Variants in SLC16A4 observed in about 807,000 individuals in gnomAD.
SLC16A4 encodes solute carrier family 16 member 4.
SLC16A4 carries 39 observed loss-of-function variants against 47.9 expected under a neutral mutation model. That is an observed-to-expected ratio of 0.81 (90% CI 0.63 to 1.06). SLC16A4 has a LOEUF of 1.06. Among genes scored for constraint, SLC16A4 ranks in the 50% least tolerant of loss-of-function variants. SLC16A4 has a pLI of 0.00. For synonymous variants in SLC16A4, 189 were observed against 199.9 expected, an observed-to-expected ratio of 0.95 and a Z score of 0.46; for missense variants, 524 against 573.8, an observed-to-expected ratio of 0.91 and a Z score of 0.89.
At position 110,363,719 on chromosome 1, in the gene SLC16A4, T is replaced by C; in HGVS notation, c.*47A>G. 1.3e-6 allele frequency: 2 copies of C among 1,531,258 alleles called. No homozygotes were observed. The highest frequency in any genetic ancestry group is 1.7e-6 in the Non-Finnish European group (2 of 1,143,132). 94.9% of individuals were successfully genotyped at this position (1,531,258 alleles called of 1,614,324 possible). A position where few individuals can be genotyped will look rare whatever the true frequency, so the allele number is the denominator to read the frequency against. On this transcript the variant is annotated 3_prime_UTR_variant, in exon 9 of 9. Coordinates refer to ENST00000369779, the MANE Select transcript of SLC16A4 (RefSeq NM_004696.3). ...GCTTTTGTTTCCAATGACATTAGTTTAGGTTTTCTTTTGTTTAGCTCTCAC... is the reference window on the plus strand; with the variant it reads ...GCTTTTGTTTCCAATGACATTAGTTCAGGTTTTCTTTTGTTTAGCTCTCAC...
chr1:110,381,535 G>T lies in SLC16A4; in HGVS notation c.364+117C>A, dbSNP rs1339764432. ...GACAGGGTTTCACCATGTTGCCCAG[G>T]CTGGTCTCGAACTGGACTCAAGCGA... On this transcript the variant is annotated intron_variant, in intron 4 of 8. Coordinates refer to ENST00000369779, the MANE Select transcript of SLC16A4 (RefSeq NM_004696.3). 3 of 958,000 alleles carry T rather than the reference G, an allele frequency of 3.1e-6. No individual in the cohort carries two copies. The African/African-American group carries it at 5.0e-5, about 16-fold the overall frequency. 59.3% of individuals were successfully genotyped at this position (958,000 alleles called of 1,614,324 possible). A position where few individuals can be genotyped will look rare whatever the true frequency, so the allele number is the denominator to read the frequency against.
chr1:110,374,025 A>G (rs1020798084), intron 8 of SLC16A4, among the ~76,000 whole-genome samples: 2 of 151,404 alleles, frequency 1.3e-5, no homozygotes, highest in African/African-American at 4.9e-5. Context: ...TCCTTCTTTT[A>G]ATATTTACTT....
At chr1:110,387,532 G>T (rs1662797264) in intron 2 of SLC16A4, among the ~76,000 whole-genome samples, 1 of 152,174 alleles carries the variant, frequency 6.6e-6, no homozygotes. Context: ...AGGATCCAGT[G>T]CATTTTTTGT....
Position 110,376,962 on chromosome 1 carries a change from T to C in SLC16A4, c.1230A>G (p.Ile410Met). 1 of 1,613,836 alleles carries C rather than the reference T, an allele frequency of 6.2e-7. No homozygotes were observed. Among genetic ancestry groups the C allele is most frequent in the Non-Finnish European group, 8.5e-7 (1 of 1,179,802 alleles). ...TGTGTCTACTCACCAGTACAGGCAG[T>C]ATCAATGCCAGGTAACCACCAGCAA... ...AIFAGGYLAL[I>M]LPVLVDLCRN... The change falls in exon 7 of 9, where the codon ATA becomes ATG. Residue 410 changes from isoleucine to methionine, a missense_variant. By Grantham distance (10) the Ile-to-Met change is conservative. Transcript: ENST00000369779.
Position 110,368,990 on chromosome 1 carries a change from T to TG in SLC16A4, c.1337-5098dup, listed in dbSNP as rs532041157. Among the ~76,000 whole-genome samples the TG allele has an allele frequency of 2.0e-3, 296 of 150,714 alleles. 2 individuals carry two copies. Among genetic ancestry groups the TG allele is most frequent in the African/African-American group, 6.9e-3 (282 of 40,968 alleles). ...TTTTTTTTGAGATGGAGTCTCGCCC[T>TG]GTCGCCCAGGCTGAAATGCAGTGGT... On this transcript the variant is annotated intron_variant, in intron 8 of 8. Transcript: ENST00000369779.
rs762322463 is a variant in SLC16A4 at position 110,381,801 on chromosome 1, G to A, written c.221-6C>T. 1.4e-5 allele frequency: 23 copies of A among 1,608,456 alleles called. No homozygotes were observed. Among genetic ancestry groups the A allele is most frequent in the East Asian group, 2.2e-5 (1 of 44,770 alleles). ...AATAATAGCAACCAGGGGACCTTAAGAGAAGAAAGAAAGGCAATTCTTAGG... is the reference window on the plus strand; with the variant it reads ...AATAATAGCAACCAGGGGACCTTAAAAGAAGAAAGAAAGGCAATTCTTAGG... On this transcript the variant is annotated splice_polypyrimidine_tract_variant and splice_region_variant and intron_variant, in intron 3 of 8. Coordinates refer to ENST00000369779, the MANE Select transcript of SLC16A4 (RefSeq NM_004696.3).
intron 2 of SLC16A4, among the ~76,000 whole-genome samples, chr1:110,384,280 T>C (rs929242428): frequency 6.6e-6 from 1 of 152,250 alleles, no homozygotes; most frequent in Non-Finnish European, 1.5e-5. Context: ...TCACTAGATA[T>C]ATAAATAGGT....
intron 8 of SLC16A4, among the ~76,000 whole-genome samples, chr1:110,366,275 A>G (rs1557900201): frequency 6.6e-6 from 1 of 151,862 alleles, no homozygotes; most frequent in African/African-American, 2.4e-5. Flanking sequence ...CTCTTGCCTC[A>G]GCCTCATGAG....
At chr1:110,377,282 G>A (rs1233238465) in intron 6 of SLC16A4, 121 bp from the exon 7 acceptor site, 2 of 721,806 alleles carry the variant, frequency 2.8e-6, no homozygotes, top group Admixed American at 2.7e-5. Context: ...GGAAAAAAAT[G>A]ATTTGATTTG....
intron 8 of SLC16A4, chr1:110,371,376 CTG>C (rs1661676306): frequency 6.6e-6 from 1 of 152,082 alleles, no homozygotes; most frequent in South Asian, 2.1e-4. Flanking sequence ...TAAAATGAAA[CTG>C]AGCCTTGAGC....
At chr1:110,367,330 C>CA (rs112274968) in intron 8 of SLC16A4, among the ~76,000 whole-genome samples, 3 of 151,976 alleles carry the variant, frequency 2.0e-5, no homozygotes, top group African/African-American at 7.2e-5. Flanking sequence ...CCTATCTCTA[C>CA]AAAAAAGAAG....
chr1:110,389,267 C>T lies in SLC16A4; in HGVS notation c.57G>A (p.Trp19Ter). Residue 19 changes from tryptophan to a stop codon, truncating the protein, a stop_gained, in exon 2 of 9, where the codon TGG becomes TGA. Coordinates refer to ENST00000369779, the MANE Select transcript of SLC16A4 (RefSeq NM_004696.3). LOFTEE classifies it high-confidence loss of function. ...AAAAATGAATCACAATCATCCATCC[C>T]CATCCTCCATCCAGGGTTTTAGTGT... ...QPYTKTLDGG[W>*]GWMIVIHFFL... 6.2e-7 allele frequency: 1 copy of T among 1,613,976 alleles called. No individual in the cohort carries two copies. The highest frequency in any genetic ancestry group is 8.5e-7 in the Non-Finnish European group (1 of 1,179,822).
At position 110,363,141 on chromosome 1, in the gene SLC16A4, T is replaced by G. The variant is rs1043241425; in HGVS notation, c.*625A>C. Reference sequence around the variant, plus strand: ...AAAAAATTTTCTATCTTTACATATTTTAGTGACTGAATTACCATGGCGTAA... The same window carrying G: ...AAAAAATTTTCTATCTTTACATATTGTAGTGACTGAATTACCATGGCGTAA... On this transcript the variant is annotated 3_prime_UTR_variant, in exon 9 of 9. Coordinates refer to ENST00000369779, the MANE Select transcript of SLC16A4 (RefSeq NM_004696.3). The G allele has an allele frequency of 1.4e-4, 21 of 152,348 alleles. No individual in the cohort carries two copies. Among genetic ancestry groups the G allele is most frequent in the African/African-American group, 5.1e-4 (21 of 41,580 alleles). 9.4% of individuals were successfully genotyped at this position (152,348 alleles called of 1,614,324 possible).
chr1:110,388,791 G>A (rs752953183), intron 2 of SLC16A4, among the ~76,000 whole-genome samples: 15 of 152,152 alleles, frequency 9.9e-5, no homozygotes, highest in Non-Finnish European at 1.9e-4. Flanking sequence ...GCTCACTTCA[G>A]TCTCCACCTC....
Position 110,381,034 on chromosome 1 carries a change from A to T in SLC16A4, c.474T>A (p.Thr158=), listed in dbSNP as rs1218921784. 6.2e-7 allele frequency: 1 copy of T among 1,614,186 alleles called. No homozygotes were observed. The highest frequency in any genetic ancestry group is 8.5e-7 in the Non-Finnish European group (1 of 1,180,012). ...TAIARSGMGL[T]FLLAPFTKFL... ...ATTTTGTAAAGGGTGCCAAAAGAAA[A>T]GTCAGTCCCATCCCAGAACGGGCAA... is the stretch of plus-strand genomic sequence containing the variant. The change falls in exon 5 of 9, where the codon ACT becomes ACA. Residue 158 remains threonine (T), a synonymous_variant. Coordinates refer to ENST00000369779, the MANE Select transcript of SLC16A4 (RefSeq NM_004696.3).
At chr1:110,372,137 CAGGA>C (rs1661718407) in intron 8 of SLC16A4, 1 of 151,876 alleles carries the variant, frequency 6.6e-6, no homozygotes, top group Admixed American at 6.6e-5. Flanking sequence ...TATTTTTATA[CAGGA>C]AGGAGAGAAA....
chr1:110,367,930 A>C (rs1280147340), intron 8 of SLC16A4, among the ~76,000 whole-genome samples: 2 of 152,012 alleles, frequency 1.3e-5, no homozygotes, highest in African/African-American at 4.8e-5. Flanking sequence ...CCGGATTCAC[A>C]CCATTCTCCT....
intron 7 of SLC16A4, 36 bp from the exon 8 acceptor site, chr1:110,375,587 G>T: frequency 8.2e-7 from 1 of 1,220,246 alleles, no homozygotes; most frequent in Non-Finnish European, 1.2e-6. Flanking sequence ...GCCATATTAA[G>T]GGTGAAATTC....
At chr1:110,383,874 C>T (rs1430090687) in intron 2 of SLC16A4, among the ~76,000 whole-genome samples, 1 of 110,732 alleles carries the variant, frequency 9.0e-6, no homozygotes. Context: ...AAGCTATCAA[C>T]TAAGTTTCCC....
Sources: gnomAD v4.1 joint callset for allele counts (sites outside exome capture counted in the v4.1 genomes callset) on GRCh38, gnomAD v4.1.1 for gene constraint, MANE v1.5 for transcripts, NCBI Gene and HGNC (gene_info 2026-07-23, HGNC 2026-07-21) for gene names.